YES1: variants seen among roughly 807,000 people sequenced by gnomAD.
YES1 encodes the protein YES proto-oncogene 1, Src family tyrosine kinase.
In YES1, 39 loss-of-function variants were observed where a neutral mutation model predicts 70.4. The observed-to-expected ratio is 0.55, with a 90% CI of 0.43 to 0.72. The LOEUF is 0.72. Ranked by LOEUF, YES1 falls within the 30% of genes least tolerant of loss-of-function variation. The pLI, the probability that YES1 is intolerant of heterozygous loss-of-function variation, is 0.00. For missense variants in YES1, 495 were observed against 644.8 expected, an observed-to-expected ratio of 0.77 and a Z score of 2.52; for synonymous variants, 198 against 218.6, an observed-to-expected ratio of 0.91 and a Z score of 0.83.
In YES1 at chr18:721,691, T is replaced by TA. The variant is rs1479776646; in HGVS notation, c.*2732dup. On this transcript the variant is annotated 3_prime_UTR_variant, in exon 12 of 12. Coordinates refer to ENST00000314574, the MANE Select transcript of YES1 (RefSeq NM_005433.4). ...TCTCAATGGAAGAATAAATTCAGAA[T>TA]ATATCAGTTTTTAAAAAACGAATGA... The TA allele has an allele frequency of 6.6e-6, 1 of 152,200 alleles. No individual in the cohort carries two copies. Among genetic ancestry groups the TA allele is most frequent in the Non-Finnish European group, 1.5e-5 (1 of 68,026 alleles). The allele number at this position is 152,200 out of a possible 1,614,324, so 9.4% of individuals were successfully genotyped here. A position where few individuals can be genotyped will look rare whatever the true frequency, so the allele number is the denominator to read the frequency against.
intron 1 of YES1, among the ~76,000 whole-genome samples, chr18:779,030 CCTT>C (rs1231120306): frequency 3.3e-5 from 5 of 152,092 alleles, no homozygotes; most frequent in East Asian, 1.9e-4. Flanking sequence ...TAACCCAACT[CCTT>C]CTAAATTCCT....
At chr18:810,994 GCA>G (rs1182575400) in intron 1 of YES1, among the ~76,000 whole-genome samples, 15 of 152,084 alleles carry the variant, frequency 9.9e-5, no homozygotes, top group South Asian at 2.1e-4. Context: ...TTCCTTAAAT[GCA>G]CAGTCACGTG....
At chr18:763,743 T>C (rs1447183897) in intron 1 of YES1, among the ~76,000 whole-genome samples, 1 of 142,918 alleles carries the variant, frequency 7.0e-6, no homozygotes, top group Non-Finnish European at 1.5e-5. Flanking sequence ...TGGAACAGTG[T>C]GGGGCCAGTG....
chr18:733,846 AAAT>A (rs1283627296), intron 10 of YES1, among the ~76,000 whole-genome samples: 1 of 151,810 alleles, frequency 6.6e-6, no homozygotes, highest in Non-Finnish European at 1.5e-5. Context: ...CTTATTGCAG[AAAT>A]AATATTATAG....
chr18:727,423 T>C (rs188053123), intron 11 of YES1, among the ~76,000 whole-genome samples: 15 of 152,332 alleles, frequency 9.8e-5, no homozygotes, highest in Admixed American at 3.3e-4. Context: ...TCTTTTTTTA[T>C]TGGAATGTTT....
intron 9 of YES1, chr18:737,422 C>A: frequency 6.5e-6 from 1 of 153,562 alleles, no homozygotes; most frequent in Non-Finnish European, 1.4e-5. Context: ...CACTGCACTC[C>A]AGCCTGGGAA....
intron 1 of YES1, among the ~76,000 whole-genome samples, chr18:788,266 T>G (rs1906066138): frequency 6.6e-6 from 1 of 152,214 alleles, no homozygotes; most frequent in Non-Finnish European, 1.5e-5. Flanking sequence ...TCCTTTCTAT[T>G]TTCATATTAC....
In YES1 at chr18:812,154, G is replaced by A. The variant is rs962620717; in HGVS notation, c.-49C>T. On this transcript the variant is annotated 5_prime_UTR_variant, in exon 1 of 12. Transcript: ENST00000314574. ...GCTCTCATGAGTCGCTGCTACCGCAGCTCGAGGTGGCGGAGGGCGGAGGCG... is the reference window on the plus strand; with the variant it reads ...GCTCTCATGAGTCGCTGCTACCGCAACTCGAGGTGGCGGAGGGCGGAGGCG... The A allele has an allele frequency of 2.2e-4, 33 of 152,974 alleles. No homozygotes were observed. The highest frequency in any genetic ancestry group is 7.9e-4 in the African/African-American group (33 of 41,542). 9.5% of individuals were successfully genotyped at this position (152,974 alleles called of 1,614,324 possible).
rs578115175 is a variant in YES1, at chr18:749,136, GGGCTACA to G, written c.372-1125_372-1119del. Among the ~76,000 whole-genome samples, 350 of 152,026 alleles carry G rather than the reference GGGCTACA, an allele frequency of 2.3e-3. 1 individual carries two copies. The highest frequency in any genetic ancestry group is 8.2e-3 in the African/African-American group (338 of 41,462). On this transcript the variant is annotated intron_variant, in intron 3 of 11. Coordinates refer to ENST00000314574, the MANE Select transcript of YES1 (RefSeq NM_005433.4). ...AGATCATGCCACTGGACTCCAGCCT[GGGCTACA>G]GAGCGAGACTCCATCTAAAAAAAAC...
intron 11 of YES1, among the ~76,000 whole-genome samples, chr18:725,663 T>TG (rs1325406311): frequency 6.6e-6 from 1 of 151,512 alleles, no homozygotes; most frequent in Non-Finnish European, 1.5e-5. Flanking sequence ...CCAAGGCGGG[T>TG]GATCATCTGA....
chr18:786,525 AC>A (rs1905954320), intron 1 of YES1, among the ~76,000 whole-genome samples: 1 of 151,816 alleles, frequency 6.6e-6, no homozygotes, highest in Non-Finnish European at 1.5e-5. Flanking sequence ...ACACACACAC[AC>A]ACACACACAC....
chr18:735,515 AAAG>A (rs1165858740), intron 10 of YES1, among the ~76,000 whole-genome samples: 1 of 152,140 alleles, frequency 6.6e-6, no homozygotes, highest in African/African-American at 2.4e-5. Context: ...GGGGTGGATA[AAAG>A]ACTACATGTT....
At chr18:774,870 A>G (rs1425380894) in intron 1 of YES1, among the ~76,000 whole-genome samples, 1 of 152,166 alleles carries the variant, frequency 6.6e-6, no homozygotes, top group Non-Finnish European at 1.5e-5. Context: ...AGATCCAATA[A>G]CCTATTATGC....
chr18:771,616 A>G (rs916450985), intron 1 of YES1, among the ~76,000 whole-genome samples: 5 of 151,602 alleles, frequency 3.3e-5, no homozygotes, highest in African/African-American at 1.2e-4. Context: ...TGGCGCGATC[A>G]CGACTCACTG....
intron 1 of YES1, among the ~76,000 whole-genome samples, chr18:804,925 A>AAAAAAAAC (rs1555692642): frequency 6.6e-6 from 1 of 150,810 alleles, no homozygotes; most frequent in Non-Finnish European, 1.5e-5. Context: ...AAAAAAAAAA[A>AAAAAAAAC]CACAAACCAA....
chr18:799,548 A>G (rs757402912), intron 1 of YES1, among the ~76,000 whole-genome samples: 1 of 151,940 alleles, frequency 6.6e-6, no homozygotes, highest in Non-Finnish European at 1.5e-5. Context: ...CATCTTTACT[A>G]AAAATACAAA....
chr18:728,117 C>G (rs1173113221), intron 11 of YES1, among the ~76,000 whole-genome samples: 1 of 152,110 alleles, frequency 6.6e-6, no homozygotes, highest in Non-Finnish European at 1.5e-5. Flanking sequence ...AGGCAAATCG[C>G]TTGAGCCTAG....
chr18:803,029 G>GCTC (rs1375537221), intron 1 of YES1, among the ~76,000 whole-genome samples: 3 of 151,742 alleles, frequency 2.0e-5, no homozygotes, highest in African/African-American at 7.3e-5. Flanking sequence ...GGGGGTTTAA[G>GCTC]ATCAGTCTGA....
chr18:759,405 T>C lies in YES1; in HGVS notation c.-8-2570A>G, dbSNP rs139459125. ...TTGCTTGAACCCAGGAGGCGGAGGT[T>C]GCAGTGAGCCAAGATTGTGCCATTG... On this transcript the variant is annotated intron_variant, in intron 1 of 11. Transcript: ENST00000314574. 4.2e-3 allele frequency among the ~76,000 whole-genome samples: 644 copies of C among 152,304 alleles called. 3 individuals carry two copies. Among genetic ancestry groups the C allele is most frequent in the African/African-American group, 0.015 (615 of 41,554 alleles).
Sources: allele counts gnomAD v4.1 joint callset (sites outside exome capture counted in the v4.1 genomes callset), GRCh38; gene constraint gnomAD v4.1.1; transcripts MANE v1.5; gene names NCBI Gene and HGNC (gene_info 2026-07-23, HGNC 2026-07-21).